PCDHGA4: variants seen among roughly 807,000 people sequenced by gnomAD.
PCDHGA4 encodes protocadherin gamma subfamily A, 4, also known as protocadherin gamma-A4.
Under a neutral mutation model 54.6 loss-of-function variants are expected in PCDHGA4, and 38 were observed. The observed-to-expected ratio is 0.70, with a 90% CI of 0.54 to 0.91. PCDHGA4 has a LOEUF of 0.91. Among genes scored for constraint, PCDHGA4 ranks in the 40% least tolerant of loss-of-function variants. The probability of loss-of-function intolerance (pLI) is 0.00; values close to 1 mark genes in which losing one functional copy is unlikely to be tolerated. For synonymous variants in PCDHGA4, 511 were observed against 512.9 expected (o/e 1.00, Z 0.05); for missense variants, 1,298 against 1,220.9 (o/e 1.06, Z -0.94).
Position 141,364,575 on chromosome 5 carries a change from G to A in PCDHGA4, c.2514+6954G>A, listed in dbSNP as rs372313739. On this transcript the variant is annotated intron_variant, in intron 1 of 3. Coordinates refer to ENST00000571252, the MANE Select transcript of PCDHGA4 (RefSeq NM_018917.4). ...CTTTTTGCCCTGAACCCGCGAAGCG[G>A]CAGCTTGGTCACCGCGGGCAGGATA... is the stretch of plus-strand genomic sequence containing the variant. 1.7e-5 allele frequency: 27 copies of A among 1,614,070 alleles called. No individual in the cohort carries two copies. The Middle Eastern group carries it at 4.9e-4, about 29-fold the overall frequency.
intron 1 of PCDHGA4, among the ~76,000 whole-genome samples, chr5:141,471,998 A>T (rs938492822): frequency 5.3e-5 from 8 of 152,276 alleles, no homozygotes; most frequent in South Asian, 2.1e-4. Context: ...AAATCCCTGC[A>T]TCGTATAGGG....
chr5:141,362,141 A>G (rs765866460), intron 1 of PCDHGA4: 2 of 1,614,032 alleles, frequency 1.2e-6, no homozygotes, highest in South Asian at 2.2e-5. Flanking sequence ...GATAGCCTGC[A>G]AGAGGTATTG....
chr5:141,409,928 G>C (rs2095338081), intron 1 of PCDHGA4: 1 of 1,613,354 alleles, frequency 6.2e-7, no homozygotes, highest in Non-Finnish European at 8.5e-7. Context: ...CGCGTTCTTC[G>C]ATATGGTACC....
intron 1 of PCDHGA4, chr5:141,413,452 AGGATAGACC>A (rs2095643065): frequency 6.2e-7 from 1 of 1,614,124 alleles, no homozygotes; most frequent in Admixed American, 1.7e-5. Context: ...CACCGCGGGC[AGGATAGACC>A]GGGAGGAGCT....
At position 141,486,622 on chromosome 5, in the gene PCDHGA4, C is replaced by T. The variant is rs1320329216; in HGVS notation, c.2515-8185C>T. On this transcript the variant is annotated intron_variant, in intron 1 of 3. Coordinates refer to ENST00000571252, the MANE Select transcript of PCDHGA4 (RefSeq NM_018917.4). The surrounding 1 kb of genome is among the most constrained non-coding windows in gnomAD (Gnocchi z 5.0). ...GCTCCCTTGCAGCCTCTGACCCAGACTCTGGCTTGAATGCGCTTATCTCCT... is the reference window on the plus strand; with the variant it reads ...GCTCCCTTGCAGCCTCTGACCCAGATTCTGGCTTGAATGCGCTTATCTCCT... 6.2e-7 allele frequency: 1 copy of T among 1,613,574 alleles called. No individual in the cohort carries two copies. The highest frequency in any genetic ancestry group is 8.5e-7 in the Non-Finnish European group (1 of 1,180,042).
At chr5:141,438,637 C>T (rs11958903) in intron 1 of PCDHGA4, among the ~76,000 whole-genome samples, 3,503 of 30,116 alleles carry the variant, frequency 0.12, 108 homozygotes, top group Non-Finnish European at 0.15. Context: ...TATATATATA[C>T]ACACACACAC....
intron 1 of PCDHGA4, chr5:141,370,394 G>A (rs758929639): frequency 1.3e-6 from 2 of 1,547,668 alleles, no homozygotes; most frequent in African/African-American, 1.4e-5. Flanking sequence ...CAGAGAGCGG[G>A]ATGGGAAATA....
At chr5:141,398,923 G>A in intron 1 of PCDHGA4, 1 of 1,613,978 alleles carries the variant, frequency 6.2e-7, no homozygotes, top group Non-Finnish European at 8.5e-7. Context: ...GCAAGTGTCA[G>A]CCACTGACCA....
At chr5:141,430,149 C>T (rs1051033560) in intron 1 of PCDHGA4, among the ~76,000 whole-genome samples, 4 of 151,968 alleles carry the variant, frequency 2.6e-5, no homozygotes, top group African/African-American at 9.7e-5. Flanking sequence ...CAGGATCATT[C>T]AAGGAATCTA....
chr5:141,373,134 C>T (rs1335813862), intron 1 of PCDHGA4, among the ~76,000 whole-genome samples: 4 of 152,200 alleles, frequency 2.6e-5, no homozygotes, highest in Non-Finnish European at 5.9e-5. Flanking sequence ...CAAATCCTCA[C>T]AATTAAGTGG....
chr5:141,413,652 G>T, intron 1 of PCDHGA4: 4 of 1,613,780 alleles, frequency 2.5e-6, no homozygotes, highest in Non-Finnish European at 3.4e-6. Context: ...TTCCTCTCCC[G>T]GAAGCTATTG....
chr5:141,488,690 G>A (rs1292736219), intron 1 of PCDHGA4, among the ~76,000 whole-genome samples: 1 of 152,186 alleles, frequency 6.6e-6, no homozygotes, highest in African/African-American at 2.4e-5. Flanking sequence ...TCTCCCAGAA[G>A]GACAAGATTT....
intron 2 of PCDHGA4, among the ~76,000 whole-genome samples, chr5:141,504,059 T>C (rs1179226175): frequency 6.6e-6 from 1 of 152,184 alleles, no homozygotes; most frequent in Admixed American, 6.6e-5. Flanking sequence ...ATTGAAAAAC[T>C]TCTCTGAGCC....
rs771608897 is a variant in PCDHGA4, at chr5:141,490,857, C to T, written c.2515-3950C>T. 58 of 1,613,714 alleles carry T rather than the reference C, an allele frequency of 3.6e-5. 1 individual carries two copies. The highest frequency in any genetic ancestry group is 1.8e-4 in the Admixed American group (11 of 59,992). Reference sequence around the variant, plus strand: ...AGATTGTGGTGGGGGTTCGAGACTCCGGCTCTCCCCCATTGCATGCCAACA... The same window carrying T: ...AGATTGTGGTGGGGGTTCGAGACTCTGGCTCTCCCCCATTGCATGCCAACA... On this transcript the variant is annotated intron_variant, in intron 1 of 3. Transcript: ENST00000571252. The surrounding 1 kb of genome is among the most constrained non-coding windows in gnomAD (Gnocchi z 5.4).
chr5:141,419,605 G>A, intron 1 of PCDHGA4: 1 of 1,611,776 alleles, frequency 6.2e-7, no homozygotes, highest in Non-Finnish European at 8.5e-7. Flanking sequence ...CGCGGGCCGC[G>A]CAGCCAGGCT....
chr5:141,485,106 T>A lies in PCDHGA4; in HGVS notation c.2515-9701T>A, dbSNP rs2099607051. 8.3e-7 allele frequency: 1 copy of A among 1,206,448 alleles called. No individual in the cohort carries two copies. Among genetic ancestry groups the A allele is most frequent in the Admixed American group, 1.8e-5 (1 of 55,050 alleles). 74.7% of individuals were successfully genotyped at this position (1,206,448 alleles called of 1,614,324 possible). On this transcript the variant is annotated intron_variant, in intron 1 of 3. Coordinates refer to ENST00000571252, the MANE Select transcript of PCDHGA4 (RefSeq NM_018917.4). The surrounding 1 kb of genome is among the most constrained non-coding windows in gnomAD (Gnocchi z 5.7). ...GGGAGATAGGTGTCTCCAGCTGCTG[T>A]GGCTGTTTGGGGCGGGTCGGCTTCA...
intron 1 of PCDHGA4, chr5:141,430,838 G>A (rs866767896): frequency 2.6e-6 from 4 of 1,562,908 alleles, no homozygotes; most frequent in Non-Finnish European, 3.5e-6. Context: ...GTGGGAGACC[G>A]GATGCACCCA....
chr5:141,423,246 G>A, intron 1 of PCDHGA4: 15 of 1,613,922 alleles, frequency 9.3e-6, no homozygotes, highest in Non-Finnish European at 1.3e-5. Context: ...CCGAAGTCCT[G>A]GCGGACCTCG....
intron 1 of PCDHGA4, chr5:141,415,762 T>TTTTG: frequency 2.1e-6 from 3 of 1,399,986 alleles, no homozygotes; most frequent in Non-Finnish European, 2.8e-6. Flanking sequence ...TTTTTTTTTT[T>TTTTG]TTTTTTTTTT....
Sources: gnomAD v4.1 joint callset for allele counts (sites outside exome capture counted in the v4.1 genomes callset) on GRCh38, gnomAD v4.1.1 for gene constraint, Gnocchi (gnomAD v3.1) non-coding constraint, MANE v1.5 for transcripts, NCBI Gene and HGNC (gene_info 2026-07-23, HGNC 2026-07-21) for gene names.